Variants in SS18 observed in about 807,000 individuals in gnomAD.
SS18 encodes the protein protein SSXT.
A neutral mutation model predicts 72.5 loss-of-function variants in SS18; 28 were observed. The ratio of observed to expected loss-of-function variants is 0.39; its 90% confidence interval spans 0.29 to 0.53. SS18 has a LOEUF of 0.53. Among genes scored for constraint, SS18 ranks in the 20% least tolerant of loss-of-function variants. The pLI is 0.76. For synonymous variants in SS18, 172 were observed against 164.2 expected (o/e 1.05, Z -0.37); for missense variants, 518 against 535.3 (o/e 0.97, Z 0.32).
In SS18 at chr18:26,032,390, A is replaced by C. The variant is rs2053558526; in HGVS notation, c.1230+9T>G. ...ATGTGGCAATTCTGCAGCCGGTCAA[A>C]CTACTTACCTGGTCATATCCATAAG... On this transcript the variant is annotated intron_variant, in intron 10 of 10. Transcript: ENST00000415083. 5.6e-6 allele frequency: 9 copies of C among 1,609,654 alleles called. No individual in the cohort carries two copies. The highest frequency in any genetic ancestry group is 7.6e-6 in the Non-Finnish European group (9 of 1,178,566).
chr18:26,063,950 C>T (rs1390798392), intron 3 of SS18, among the ~76,000 whole-genome samples: 1 of 151,978 alleles, frequency 6.6e-6, no homozygotes, highest in South Asian at 2.1e-4. Flanking sequence ...GGCATCAGTA[C>T]ATATGCTATG....
intron 10 of SS18, among the ~76,000 whole-genome samples, chr18:26,027,316 T>A (rs1295177834): frequency 6.6e-6 from 1 of 152,060 alleles, no homozygotes; most frequent in Non-Finnish European, 1.5e-5. Flanking sequence ...TATGGACAAC[T>A]GATTTTTTGC....
rs997670521 is a variant in SS18, at chr18:26,035,350, C to T, written c.974-223G>A. The T allele has an allele frequency of 8.5e-6, 4 of 471,922 alleles. No individual in the cohort carries two copies. Among genetic ancestry groups the T allele is most frequent in the African/African-American group, 3.9e-5 (2 of 51,168 alleles). 29.2% of individuals were successfully genotyped at this position (471,922 alleles called of 1,614,324 possible). On this transcript the variant is annotated intron_variant, in intron 8 of 10. Coordinates refer to ENST00000415083, the MANE Select transcript of SS18 (RefSeq NM_001007559.3). This position sits in a 1 kb window ranked among gnomAD's most constrained non-coding sequence, Gnocchi z 4.4. ...CAAGGTTGAACTGCAGCATTTTCAG[C>T]GTCTCTGCCATACGAGCATTACATT...
At chr18:26,065,819 A>ATG (rs2054204976) in intron 3 of SS18, among the ~76,000 whole-genome samples, 1 of 137,374 alleles carries the variant, frequency 7.3e-6, no homozygotes, top group South Asian at 2.4e-4. Context: ...ATATATATAT[A>ATG]TATATGATCA....
In SS18 at chr18:26,080,425, T is replaced by C. The variant is rs1598610666; in HGVS notation, c.147-2265A>G. On this transcript the variant is annotated intron_variant, in intron 2 of 10. Coordinates refer to ENST00000415083, the MANE Select transcript of SS18 (RefSeq NM_001007559.3). Reference sequence around the variant, plus strand: ...AACAGATGTGGTTTATTCATGACCCTTTAAGAAAAAATTTTAGTATCATGT... The same window carrying C: ...AACAGATGTGGTTTATTCATGACCCCTTAAGAAAAAATTTTAGTATCATGT... 4 of 983,076 alleles carry C rather than the reference T, an allele frequency of 4.1e-6. No homozygotes were observed. In the East Asian group the frequency reaches 3.4e-4, roughly 84 times the overall value. The allele number at this position is 983,076 out of a possible 1,614,324, so 60.9% of individuals were successfully genotyped here.
At chr18:26,036,267 C>T (rs1417298583) in intron 7 of SS18, among the ~76,000 whole-genome samples, 1 of 151,964 alleles carries the variant, frequency 6.6e-6, no homozygotes, top group Admixed American at 6.6e-5. Context: ...TTAGAATGAA[C>T]AAAGGAAGCA....
intron 5 of SS18, among the ~76,000 whole-genome samples, chr18:26,050,937 T>C (rs1174056479): frequency 1.3e-5 from 2 of 151,836 alleles, no homozygotes; most frequent in African/African-American, 4.8e-5. Flanking sequence ...AATAAACAAA[T>C]AAAAATTTCC....
intron 5 of SS18, among the ~76,000 whole-genome samples, chr18:26,046,218 G>GA (rs67398360): frequency 3.8e-5 from 5 of 130,890 alleles, no homozygotes; most frequent in Non-Finnish European, 4.9e-5. Flanking sequence ...AAAAGAAGTA[G>GA]AAAAAAAAAG....
chr18:26,089,491 G>A (rs1198450883), intron 1 of SS18, among the ~76,000 whole-genome samples: 1 of 152,236 alleles, frequency 6.6e-6, no homozygotes, highest in East Asian at 1.9e-4. Flanking sequence ...GGTCTGAGTG[G>A]TACTAAAACT....
At chr18:26,052,916 T>A (rs1331439017) in intron 4 of SS18, 71 bp from the exon 5 acceptor site, 3 of 1,336,430 alleles carry the variant, frequency 2.2e-6, no homozygotes, top group Non-Finnish European at 3.1e-6. Context: ...TACCTGGAAA[T>A]AATTTTTTTT....
chr18:26,089,270 G>A (rs2054671400), intron 1 of SS18, among the ~76,000 whole-genome samples: 2 of 152,108 alleles, frequency 1.3e-5, no homozygotes, highest in South Asian at 2.1e-4. Context: ...TAAAAAAGGT[G>A]AGCCCTCCAG....
In SS18 at chr18:26,016,794, ACTCT is replaced by A. The variant is rs923361860; in HGVS notation, c.*1556_*1559del. 3.9e-5 allele frequency: 9 copies of A among 230,810 alleles called. No individual in the cohort carries two copies. Among genetic ancestry groups the A allele is most frequent in the Middle Eastern group, 1.3e-3 (1 of 798 alleles). The allele number at this position is 230,810 out of a possible 1,614,324, so 14.3% of individuals were successfully genotyped here. A position where few individuals can be genotyped will look rare whatever the true frequency, so the allele number is the denominator to read the frequency against. ...CTGACCTTGAAACACACAAACACAC[ACTCT>A]CTCTCTCATACACACACAGAGACCC... On this transcript the variant is annotated 3_prime_UTR_variant, in exon 11 of 11. Coordinates refer to ENST00000415083, the MANE Select transcript of SS18 (RefSeq NM_001007559.3).
In SS18 at chr18:26,035,552, T is replaced by G. The variant is rs1371147100; in HGVS notation, c.973+279A>C. 1 of 319,390 alleles carries G rather than the reference T, an allele frequency of 3.1e-6. No homozygotes were observed. Among genetic ancestry groups the G allele is most frequent in the Non-Finnish European group, 5.7e-6 (1 of 175,466 alleles). 19.8% of individuals were successfully genotyped at this position (319,390 alleles called of 1,614,324 possible). The stretch of plus-strand genomic sequence containing the variant: ...TAAACACACACGAGAAAAAAAAGTT[T>G]GATGGATTTATGTTCAAATAGAAAA... On this transcript the variant is annotated intron_variant, in intron 8 of 10. Coordinates refer to ENST00000415083, the MANE Select transcript of SS18 (RefSeq NM_001007559.3). The surrounding 1 kb of genome is among the most constrained non-coding windows in gnomAD (Gnocchi z 4.4).
intron 5 of SS18, among the ~76,000 whole-genome samples, chr18:26,044,794 AT>A (rs1427003139): frequency 6.6e-6 from 1 of 152,110 alleles, no homozygotes; most frequent in Non-Finnish European, 1.5e-5. Flanking sequence ...AAGGATCGAG[AT>A]TGGAGACTGA....
intron 5 of SS18, among the ~76,000 whole-genome samples, chr18:26,048,627 A>G (rs112146600): frequency 4.5e-4 from 69 of 152,342 alleles, no homozygotes; most frequent in African/African-American, 1.5e-3. Context: ...CTTCATACTT[A>G]TATAACGAAT....
intron 9 of SS18, among the ~76,000 whole-genome samples, chr18:26,034,276 A>G (rs1172552738): frequency 2.0e-5 from 3 of 150,864 alleles, no homozygotes; most frequent in East Asian, 3.8e-4. Flanking sequence ...TTAGGAAGAG[A>G]AGGAGTCAGT....
At chr18:26,022,453 T>C (rs2053369093) in intron 10 of SS18, among the ~76,000 whole-genome samples, 1 of 150,484 alleles carries the variant, frequency 6.6e-6, no homozygotes, top group Admixed American at 6.6e-5. Flanking sequence ...AAAAAAAAAC[T>C]ACACAAAGCA....
At chr18:26,040,136 C>A (rs558832478) in intron 5 of SS18, among the ~76,000 whole-genome samples, 1 of 152,296 alleles carries the variant, frequency 6.6e-6, no homozygotes, top group Admixed American at 6.5e-5. Context: ...GACTCTCACA[C>A]CTCTAAAAAC....
chr18:26,027,670 CTAAAA>C (rs2053471615), intron 10 of SS18, among the ~76,000 whole-genome samples: 1 of 31,650 alleles, frequency 3.2e-5, no homozygotes, highest in African/African-American at 1.7e-4. Flanking sequence ...CGAGACTCAT[CTAAAA>C]AAAAAAAAAA....
Sources: gnomAD v4.1 joint callset for allele counts (sites outside exome capture counted in the v4.1 genomes callset) on GRCh38, gnomAD v4.1.1 for gene constraint, Gnocchi (gnomAD v3.1) non-coding constraint, MANE v1.5 for transcripts, NCBI Gene and HGNC (gene_info 2026-07-23, HGNC 2026-07-21) for gene names.